CDKAL1: variants seen among roughly 807,000 people sequenced by gnomAD.
The protein encoded by CDKAL1 is threonylcarbamoyladenosine tRNA methylthiotransferase.
CDKAL1 carries 32 observed loss-of-function variants against 68.2 expected under a neutral mutation model. The observed-to-expected ratio is 0.47, with a 90% CI of 0.35 to 0.63. The LOEUF (loss-of-function observed/expected upper bound fraction) is 0.63. Among genes scored for constraint, CDKAL1 ranks in the 30% least tolerant of loss-of-function variants. The probability of loss-of-function intolerance (pLI) is 0.00; values close to 1 mark genes in which losing one functional copy is unlikely to be tolerated. For missense variants in CDKAL1, 606 were observed against 696.7 expected (o/e 0.87, Z 1.47); for synonymous variants, 234 against 244.3 (o/e 0.96, Z 0.39).
intron 9 of CDKAL1, among the ~76,000 whole-genome samples, chr6:20,848,279 G>GTTTTTTTTTTTTTT (rs1554130310): frequency 4.8e-5 from 3 of 62,286 alleles, no homozygotes; most frequent in Admixed American, 1.7e-4. Flanking sequence ...CTGGAAAGTT[G>GTTTTTTTTTTTTTT]TTTTTTTTTT....
At chr6:20,544,582 C>G (rs912667170) in intron 2 of CDKAL1, among the ~76,000 whole-genome samples, 2 of 103,900 alleles carry the variant, frequency 1.9e-5, no homozygotes, top group Non-Finnish European at 3.5e-5. Flanking sequence ...GGCCACAGAG[C>G]GAAACTCCGT....
intron 5 of CDKAL1, among the ~76,000 whole-genome samples, chr6:20,718,913 T>C (rs1312067567): frequency 6.6e-6 from 1 of 152,212 alleles, no homozygotes; most frequent in African/African-American, 2.4e-5. Context: ...ATCCTACCTC[T>C]AGGGGCAAAT....
chr6:21,181,606 G>A (rs1777791630), intron 13 of CDKAL1, among the ~76,000 whole-genome samples: 1 of 152,120 alleles, frequency 6.6e-6, no homozygotes, highest in Admixed American at 6.5e-5. Context: ...TCCAGTCTCA[G>A]GTATTCTGTT....
intron 6 of CDKAL1, among the ~76,000 whole-genome samples, chr6:20,754,671 T>G (rs1223043832): frequency 1.3e-5 from 2 of 152,242 alleles, no homozygotes; most frequent in African/African-American, 4.8e-5. Flanking sequence ...GTTGTAGAAG[T>G]TCTTCATAAA....
At chr6:21,138,233 GTGTC>G (rs1281817669) in intron 13 of CDKAL1, among the ~76,000 whole-genome samples, 6 of 48,610 alleles carry the variant, frequency 1.2e-4, no homozygotes, top group East Asian at 4.7e-3. Flanking sequence ...GTGTATGTGT[GTGTC>G]TGTGTGTGTG....
At chr6:20,848,677 CCTTATTATCTGTGTATTAGAATTGAA>C (rs1758832633) in intron 9 of CDKAL1, among the ~76,000 whole-genome samples, 2 of 152,036 alleles carry the variant, frequency 1.3e-5, no homozygotes, top group South Asian at 4.2e-4. Flanking sequence ...TTTTCTGTTG[CCTTATTATCTGTGTATTAGAATTGAA>C]ACTAAATGCT....
chr6:21,212,104 T>C (rs151257557), intron 15 of CDKAL1, among the ~76,000 whole-genome samples: 10 of 152,140 alleles, frequency 6.6e-5, no homozygotes, highest in Non-Finnish European at 8.8e-5. Context: ...ATAGTGAAAG[T>C]TTCTATATGA....
intron 11 of CDKAL1, among the ~76,000 whole-genome samples, chr6:21,064,474 C>T (rs1470041633): frequency 1.3e-5 from 2 of 151,994 alleles, no homozygotes; most frequent in African/African-American, 2.4e-5. Flanking sequence ...TTTGATAGCC[C>T]TAATGGAGTC....
intron 4 of CDKAL1, among the ~76,000 whole-genome samples, chr6:20,601,522 A>G (rs1486776230): frequency 6.6e-6 from 1 of 152,162 alleles, no homozygotes; most frequent in Non-Finnish European, 1.5e-5. Context: ...GAATTGACTT[A>G]CATTTTTTCT....
chr6:20,936,304 G>A (rs1763706558), intron 9 of CDKAL1, among the ~76,000 whole-genome samples: 2 of 125,462 alleles, frequency 1.6e-5, no homozygotes, highest in African/African-American at 6.0e-5. Flanking sequence ...AGGCTGGAGT[G>A]CAGTGGCGGG....
intron 2 of CDKAL1, among the ~76,000 whole-genome samples, chr6:20,538,349 T>A (rs1033465307): frequency 2.0e-5 from 3 of 152,218 alleles, no homozygotes; most frequent in Admixed American, 6.5e-5. Context: ...TCTTGCATTG[T>A]TTGTACTTTG....
chr6:21,061,197 T>C (rs1188329740), intron 11 of CDKAL1, among the ~76,000 whole-genome samples: 1 of 152,148 alleles, frequency 6.6e-6, no homozygotes, highest in South Asian at 2.1e-4. Flanking sequence ...CAAGTAATCA[T>C]AGCACTGCTT....
intron 13 of CDKAL1, among the ~76,000 whole-genome samples, chr6:21,171,223 T>G (rs1777371686): frequency 6.6e-6 from 1 of 151,990 alleles, no homozygotes; most frequent in Non-Finnish European, 1.5e-5. Context: ...AAGTTACTTC[T>G]TTTTTTTGAG....
intron 5 of CDKAL1, among the ~76,000 whole-genome samples, chr6:20,653,042 C>G (rs1434206786): frequency 6.6e-6 from 1 of 152,188 alleles, no homozygotes; most frequent in Non-Finnish European, 1.5e-5. Context: ...ATCTTTTTCT[C>G]AGCATTACGC....
intron 4 of CDKAL1, among the ~76,000 whole-genome samples, chr6:20,567,393 A>T (rs1345999206): frequency 1.3e-5 from 2 of 152,094 alleles, no homozygotes. Flanking sequence ...TCACTATTAC[A>T]TGTAAATGTT....
intron 10 of CDKAL1, among the ~76,000 whole-genome samples, chr6:20,995,844 T>G (rs201340): frequency 0.9 from 137,363 of 152,134 alleles, 62,065 homozygotes; most frequent in Middle Eastern, 0.94. Context: ...CTTTTGTATT[T>G]ACTTCTCTTC....
At chr6:20,799,401 A>G (rs1776272786) in intron 8 of CDKAL1, among the ~76,000 whole-genome samples, 1 of 152,054 alleles carries the variant, frequency 6.6e-6, no homozygotes, top group African/African-American at 2.4e-5. Flanking sequence ...GTATCACTGA[A>G]CTTACCCTCA....
In CDKAL1 at chr6:20,758,650, G is replaced by A. The variant is rs375319766; in HGVS notation, c.517+7G>A. ...GTGGAGGAGACAATTAAAGGTAATCGTTGAAAGTGAGATAAACAGATGTAT... is the reference window on the plus strand; with the variant it reads ...GTGGAGGAGACAATTAAAGGTAATCATTGAAAGTGAGATAAACAGATGTAT... On this transcript the variant is annotated splice_region_variant and intron_variant, in intron 7 of 15. Transcript: ENST00000274695. 35 of 1,603,498 alleles carry A rather than the reference G, an allele frequency of 2.2e-5. No homozygotes were observed. The highest frequency in any genetic ancestry group is 9.4e-5 in the African/African-American group (7 of 74,456).
intron 9 of CDKAL1, among the ~76,000 whole-genome samples, chr6:20,879,467 T>C (rs1316772022): frequency 6.6e-6 from 1 of 152,232 alleles, no homozygotes; most frequent in Non-Finnish European, 1.5e-5. Flanking sequence ...TTGTTTAACT[T>C]TTCAATACAA....
Sources: allele counts gnomAD v4.1 joint callset (sites outside exome capture counted in the v4.1 genomes callset), GRCh38; gene constraint gnomAD v4.1.1; transcripts MANE v1.5; gene names NCBI Gene and HGNC (gene_info 2026-07-23, HGNC 2026-07-21).